The following NTNG1 variants were observed in gnomAD, a reference collection of about 807,000 sequenced individuals.
The protein encoded by NTNG1 is netrin-G1.
A neutral mutation model predicts 54.0 loss-of-function variants in NTNG1; 16 were observed. The observed-to-expected ratio is 0.30, with a 90% CI of 0.20 to 0.45. The LOEUF is 0.45. Ranked by LOEUF, NTNG1 falls within the 20% of genes least tolerant of loss-of-function variation. The pLI, the probability that NTNG1 is intolerant of heterozygous loss-of-function variation, is 1.00. For synonymous variants in NTNG1, 255 were observed against 263.1 expected, an observed-to-expected ratio of 0.97 and a Z score of 0.30; for missense variants, 530 against 678.7, an observed-to-expected ratio of 0.78 and a Z score of 2.43.
In NTNG1 at chr1:107,215,988, G is replaced by A. The variant is rs943150626; in HGVS notation, c.246+67149G>A. 8.5e-5 allele frequency among the ~76,000 whole-genome samples: 13 copies of A among 152,126 alleles called. 1 individual carries two copies. The highest frequency in any genetic ancestry group is 4.2e-4 in the South Asian group (2 of 4,816). ...ATAGCACGGCTACTGATTTGTGTAC[G>A]TTAAATATTTATACTAAGACTTTGC... On this transcript the variant is annotated intron_variant, in intron 2 of 7. Coordinates refer to ENST00000370068, the MANE Select transcript of NTNG1 (RefSeq NM_001113226.3).
chr1:107,241,339 T>C (rs899989708), intron 2 of NTNG1, among the ~76,000 whole-genome samples: 8 of 152,138 alleles, frequency 5.3e-5, no homozygotes, highest in Admixed American at 6.5e-5. Flanking sequence ...TACTAATGGG[T>C]TCTTGGACAG....
chr1:107,283,320 G>C (rs1664988501), intron 2 of NTNG1, among the ~76,000 whole-genome samples: 1 of 152,014 alleles, frequency 6.6e-6, no homozygotes, highest in Non-Finnish European at 1.5e-5. Context: ...AGACCTACCA[G>C]CTCTTCTTTC....
chr1:107,479,071 A>G (rs1187471673), intron 7 of NTNG1, among the ~76,000 whole-genome samples: 4 of 152,252 alleles, frequency 2.6e-5, no homozygotes, highest in African/African-American at 9.6e-5. Context: ...GTAGGCCTTA[A>G]TAGTCACTTC....
intron 2 of NTNG1, among the ~76,000 whole-genome samples, chr1:107,284,037 G>A (rs973250453): frequency 2.0e-5 from 3 of 152,074 alleles, no homozygotes; most frequent in Admixed American, 6.6e-5. Flanking sequence ...CTTCTTTGGA[G>A]CATTCATTTT....
At chr1:107,208,416 G>A (rs1283523523) in intron 2 of NTNG1, among the ~76,000 whole-genome samples, 1 of 125,562 alleles carries the variant, frequency 8.0e-6, no homozygotes, top group Admixed American at 9.3e-5. Context: ...GGCAACAAGA[G>A]CCAAACATCA....
chr1:107,387,905 G>C (rs190072492), intron 3 of NTNG1, among the ~76,000 whole-genome samples: 20 of 152,326 alleles, frequency 1.3e-4, no homozygotes, highest in Admixed American at 9.2e-4. Flanking sequence ...AATAGAGACT[G>C]TCTCCCTCTG....
chr1:107,415,458 G>A (rs1674133933), intron 5 of NTNG1, among the ~76,000 whole-genome samples: 1 of 152,152 alleles, frequency 6.6e-6, no homozygotes, highest in South Asian at 2.1e-4. Flanking sequence ...TGTCAGCTGA[G>A]AGAAACCTTA....
chr1:107,363,636 C>G (rs1430572434), intron 3 of NTNG1, among the ~76,000 whole-genome samples: 1 of 151,766 alleles, frequency 6.6e-6, no homozygotes, highest in East Asian at 1.9e-4. Flanking sequence ...TTGCTTTTTC[C>G]CTTTGTGGAA....
intron 2 of NTNG1, among the ~76,000 whole-genome samples, chr1:107,149,091 G>A (rs1654359839): frequency 2.0e-5 from 3 of 152,046 alleles, no homozygotes; most frequent in African/African-American, 4.8e-5. Flanking sequence ...ACTGAGGCAG[G>A]TACACTATAG....
At chr1:107,292,145 G>A (rs1348716882) in intron 2 of NTNG1, among the ~76,000 whole-genome samples, 2 of 152,160 alleles carry the variant, frequency 1.3e-5, no homozygotes. Context: ...TGAAGAAATG[G>A]TCACTCACAT....
Position 107,481,950 on chromosome 1 carries a change from A to AT in NTNG1, c.*1112dup, listed in dbSNP as rs796952583. The AT allele has an allele frequency of 5.1e-4, 77 of 151,686 alleles. No homozygotes were observed. Among genetic ancestry groups the AT allele is most frequent in the African/African-American group, 1.8e-3 (75 of 41,368 alleles). 9.4% of individuals were successfully genotyped at this position (151,686 alleles called of 1,614,324 possible). A position where few individuals can be genotyped will look rare whatever the true frequency, so the allele number is the denominator to read the frequency against. On this transcript the variant is annotated 3_prime_UTR_variant, in exon 8 of 8. Coordinates refer to ENST00000370068, the MANE Select transcript of NTNG1 (RefSeq NM_001113226.3). ...ACTGATTTCTGTGTGGACTGAGTAC[A>AT]TTCAGCTGACGAATTTAGTTCCCAG...
At chr1:107,155,636 A>G (rs1654933191) in intron 2 of NTNG1, among the ~76,000 whole-genome samples, 1 of 152,150 alleles carries the variant, frequency 6.6e-6, no homozygotes, top group African/African-American at 2.4e-5. Context: ...GTGGGATGAT[A>G]TGTGAGAGAG....
chr1:107,322,963 G>A (rs946735162), intron 2 of NTNG1, among the ~76,000 whole-genome samples: 1 of 152,048 alleles, frequency 6.6e-6, no homozygotes, highest in African/African-American at 2.4e-5. Context: ...CCTCTAGGGA[G>A]ACCAAAGCAA....
At chr1:107,419,923 A>G (rs1159088662) in intron 5 of NTNG1, among the ~76,000 whole-genome samples, 1 of 152,084 alleles carries the variant, frequency 6.6e-6, no homozygotes, top group East Asian at 1.9e-4. Context: ...TTCTGCATAC[A>G]TATATGAAAG....
intron 2 of NTNG1, among the ~76,000 whole-genome samples, chr1:107,199,618 C>G (rs1047767484): frequency 2.6e-5 from 4 of 151,858 alleles, no homozygotes; most frequent in Admixed American, 1.3e-4. Flanking sequence ...GGAAAGAAGG[C>G]TTAGAAGAAA....
At chr1:107,223,407 A>G (rs1170353854) in intron 2 of NTNG1, among the ~76,000 whole-genome samples, 4 of 152,108 alleles carry the variant, frequency 2.6e-5, no homozygotes, top group Non-Finnish European at 5.9e-5. Flanking sequence ...TTTGACATGC[A>G]GAAGCCACAG....
chr1:107,332,199 G>A (rs1668323408), intron 3 of NTNG1, among the ~76,000 whole-genome samples: 1 of 152,030 alleles, frequency 6.6e-6, no homozygotes, highest in South Asian at 2.1e-4. Flanking sequence ...ATTATAAGGA[G>A]AGAATGTATC....
intron 3 of NTNG1, among the ~76,000 whole-genome samples, chr1:107,332,376 C>G (rs754684064): frequency 2.6e-5 from 4 of 151,966 alleles, no homozygotes; most frequent in Non-Finnish European, 4.4e-5. Flanking sequence ...GATATTTAAG[C>G]AAAATACCAC....
chr1:107,205,264 T>G (rs1659089284), intron 2 of NTNG1, among the ~76,000 whole-genome samples: 1 of 152,162 alleles, frequency 6.6e-6, no homozygotes, highest in Non-Finnish European at 1.5e-5. Flanking sequence ...GCTCCAGGTA[T>G]GTAGATCTAG....
Sources: allele counts gnomAD v4.1 joint callset (sites outside exome capture counted in the v4.1 genomes callset), GRCh38; gene constraint gnomAD v4.1.1; transcripts MANE v1.5; gene names NCBI Gene and HGNC (gene_info 2026-07-23, HGNC 2026-07-21).